CLRN1: variants seen among roughly 807,000 people sequenced by gnomAD.
CLRN1 encodes the protein clarin 1.
Under a neutral mutation model 18.7 loss-of-function variants are expected in CLRN1, and 15 were observed. The ratio of observed to expected loss-of-function variants is 0.80; its 90% CI spans 0.54 to 1.23. The LOEUF (loss-of-function observed/expected upper bound fraction) is 1.23, where lower values mean the gene tolerates loss of function less well. CLRN1 is among the 50% of genes most tolerant of loss of function. The pLI, the probability that CLRN1 is intolerant of heterozygous loss-of-function variation, is 0.00. For missense variants in CLRN1, 311 were observed against 277.5 expected (o/e 1.12, Z -0.86); for synonymous variants, 104 against 102.9 (o/e 1.01, Z -0.07).
At chr3:150,941,864 T>A in intron 1 of CLRN1, 103 bp from the exon 2 acceptor site, 1 of 1,068,224 alleles carries the variant, frequency 9.4e-7, no homozygotes, top group Non-Finnish European at 1.4e-6. Flanking sequence ...CAAACATCAC[T>A]AAAATCCTTC....
chr3:150,965,306 G>A (rs1342637602), intron 1 of CLRN1, among the ~76,000 whole-genome samples: 2 of 152,066 alleles, frequency 1.3e-5, no homozygotes, highest in Non-Finnish European at 2.9e-5. Context: ...CCATGTAAGG[G>A]TTGTAGATAA....
At chr3:150,931,914 C>T (rs540766282) in intron 2 of CLRN1, among the ~76,000 whole-genome samples, 1 of 152,178 alleles carries the variant, frequency 6.6e-6, no homozygotes, top group African/African-American at 2.4e-5. Flanking sequence ...CCTGCCAAAC[C>T]TTGCTGGAGC....
At chr3:150,945,476 A>C in intron 1 of CLRN1, 1 of 1,281,824 alleles carries the variant, frequency 7.8e-7, no homozygotes, top group Non-Finnish European at 1.0e-6. Context: ...ATTGGGTCAG[A>C]ACAAGCCCTT....
At chr3:150,969,451 C>G (rs1715429355) in intron 1 of CLRN1, among the ~76,000 whole-genome samples, 1 of 148,774 alleles carries the variant, frequency 6.7e-6, no homozygotes, top group Non-Finnish European at 1.5e-5. Context: ...CTCAGCCTCC[C>G]AAGTAGCTGG....
intron 1 of CLRN1, chr3:150,942,560 C>T: frequency 2.2e-6 from 1 of 451,744 alleles, no homozygotes. Flanking sequence ...CTACTATGTG[C>T]CAGGCATTAT....
chr3:150,936,625 C>T (rs1713503275), intron 2 of CLRN1, among the ~76,000 whole-genome samples: 1 of 152,064 alleles, frequency 6.6e-6, no homozygotes, highest in African/African-American at 2.4e-5. Flanking sequence ...TGTCTTTCAC[C>T]AGACATTTCT....
At chr3:150,946,459 A>G (rs1174041321) in intron 1 of CLRN1, among the ~76,000 whole-genome samples, 2 of 152,110 alleles carry the variant, frequency 1.3e-5, no homozygotes, top group African/African-American at 2.4e-5. Context: ...GCTTCTGGGA[A>G]GGGAGACTAA....
intron 2 of CLRN1, among the ~76,000 whole-genome samples, chr3:150,928,424 C>T (rs139504095): frequency 5.5e-4 from 83 of 152,104 alleles, no homozygotes; most frequent in African/African-American, 1.9e-3. Context: ...TTTGTGTGTG[C>T]GTGTAGGAGT....
intron 2 of CLRN1, among the ~76,000 whole-genome samples, chr3:150,929,539 A>T (rs9857891): frequency 6.6e-6 from 1 of 152,048 alleles, no homozygotes; most frequent in Non-Finnish European, 1.5e-5. Context: ...AGGCAATTTT[A>T]ATATTCAGGT....
At chr3:150,933,736 A>G (rs141196115) in intron 2 of CLRN1, among the ~76,000 whole-genome samples, 5 of 152,318 alleles carry the variant, frequency 3.3e-5, no homozygotes, top group African/African-American at 1.2e-4. Context: ...TCCTTGCACA[A>G]GGTCATAGCT....
At chr3:150,933,739 T>C (rs1713297013) in intron 2 of CLRN1, among the ~76,000 whole-genome samples, 1 of 152,188 alleles carries the variant, frequency 6.6e-6, no homozygotes, top group African/African-American at 2.4e-5. Context: ...TTGCACAAGG[T>C]CATAGCTGGG....
At chr3:150,938,797 G>A (rs894221654) in intron 2 of CLRN1, among the ~76,000 whole-genome samples, 2 of 152,068 alleles carry the variant, frequency 1.3e-5, no homozygotes, top group African/African-American at 4.8e-5. Flanking sequence ...TTTGAAGGTG[G>A]GTGAGACAGA....
At chr3:150,943,716 C>CA in intron 1 of CLRN1, 1 of 1,584,680 alleles carries the variant, frequency 6.3e-7, no homozygotes, top group Non-Finnish European at 8.6e-7. Context: ...CATGATGAAG[C>CA]AAAGGGCCCA....
intron 2 of CLRN1, among the ~76,000 whole-genome samples, chr3:150,935,483 T>C (rs1182590434): frequency 6.6e-6 from 1 of 151,920 alleles, no homozygotes; most frequent in Non-Finnish European, 1.5e-5. Context: ...CTCATCATTT[T>C]TTATGGCTGC....
At chr3:150,942,314 C>A (rs111959582) in intron 1 of CLRN1, among the ~76,000 whole-genome samples, 1 of 152,080 alleles carries the variant, frequency 6.6e-6, no homozygotes, top group Admixed American at 6.5e-5. Flanking sequence ...TCTGGTACTA[C>A]GGGAAATATT....
intron 1 of CLRN1, among the ~76,000 whole-genome samples, chr3:150,952,347 G>A (rs1714532678): frequency 6.6e-6 from 1 of 152,174 alleles, no homozygotes; most frequent in Non-Finnish European, 1.5e-5. Flanking sequence ...AGCATCACAA[G>A]GGCCAGCAAC....
intron 1 of CLRN1, among the ~76,000 whole-genome samples, chr3:150,967,214 C>T (rs1335253616): frequency 6.6e-6 from 1 of 152,100 alleles, no homozygotes; most frequent in Non-Finnish European, 1.5e-5. Context: ...ATTAAGATCT[C>T]CTTGCAGGGA....
At position 150,972,676 on chromosome 3, in the gene CLRN1, G is replaced by A. The variant is rs1451244765; in HGVS notation, c.33C>T (p.Cys11=). 17 of 1,614,034 alleles carry A rather than the reference G, an allele frequency of 1.1e-5. No individual in the cohort carries two copies. The highest frequency in any genetic ancestry group is 1.4e-5 in the Non-Finnish European group (17 of 1,180,034). The change falls in exon 1 of 3, where the codon TGC becomes TGT. Residue 11 remains cysteine (C), a synonymous_variant. Transcript: ENST00000327047. Reference sequence around the variant, plus strand: ...ATGCAAAACTGAACACTCCGGCCATGCAAAAAATGATTTTCTTCTGTTGGC... The same window carrying A: ...ATGCAAAACTGAACACTCCGGCCATACAAAAAATGATTTTCTTCTGTTGGC... The part of the protein sequence containing the change: MPSQQKKIIF[C]MAGVFSFACA...
chr3:150,940,360 A>C, intron 2 of CLRN1: 3 of 792,986 alleles, frequency 3.8e-6, no homozygotes, highest in Non-Finnish European at 5.6e-6. Context: ...CAGAGGCTAC[A>C]CTGCAAGTGA....
Sources: gnomAD v4.1 joint callset for allele counts (sites outside exome capture counted in the v4.1 genomes callset) on GRCh38, gnomAD v4.1.1 for gene constraint, MANE v1.5 for transcripts, NCBI Gene and HGNC (gene_info 2026-07-23, HGNC 2026-07-21) for gene names.